CACNA1H: variants seen among roughly 807,000 people sequenced by gnomAD.
CACNA1H encodes calcium voltage-gated channel subunit alpha1 H, also known as voltage-dependent T-type calcium channel subunit alpha-1H.
CACNA1H carries 149 observed loss-of-function variants against 192.5 expected under a neutral mutation model. The ratio of observed to expected loss-of-function variants is 0.77; its 90% CI spans 0.68 to 0.89. The LOEUF is 0.89. CACNA1H is among the 40% of genes least tolerant of loss of function. The probability of loss-of-function intolerance (pLI) is 0.00; values close to 1 mark genes in which losing one functional copy is unlikely to be tolerated. For missense variants in CACNA1H, 4,257 were observed against 3,423.5 expected, an observed-to-expected ratio of 1.24 and a Z score of -6.08; for synonymous variants, 2,202 against 1,475.2, an observed-to-expected ratio of 1.49 and a Z score of -11.29.
At chr16:1,191,396 G>A (rs1430138168) in intron 2 of CACNA1H, among the ~76,000 whole-genome samples, 1 of 99,938 alleles carries the variant, frequency 1.0e-5, no homozygotes, top group African/African-American at 5.3e-5. Context: ...CACACTCGGG[G>A]TTTCGGTGAC....
In CACNA1H at chr16:1,153,972, G is replaced by A; in HGVS notation, c.235G>A (p.Val79Ile). The A allele has an allele frequency of 6.9e-7, 1 of 1,449,388 alleles. No individual in the cohort carries two copies. Among genetic ancestry groups the A allele is most frequent in the South Asian group, 1.3e-5 (1 of 76,170 alleles). The allele number at this position is 1,449,388 out of a possible 1,614,324, so 89.8% of individuals were successfully genotyped here. ...RVPYPALAAT[V>I]FFCLGQTTRP... ...CCCGTACCCGGCCTTGGCGGCCACG[G>A]TCTTCTTCTGCCTCGGTCAGACCAC... Residue 79 changes from valine (V) to isoleucine (I), a missense_variant, in exon 2 of 35, where the codon GTC (valine) becomes ATC (isoleucine). Transcript: ENST00000348261.
At chr16:1,214,053 T>C in intron 27 of CACNA1H, 122 bp downstream of exon 27, 2 of 818,748 alleles carry the variant, frequency 2.4e-6, no homozygotes, top group Middle Eastern at 6.3e-4. Context: ...TGCGTGGGGA[T>C]GTGGGGTTTT....
Position 1,167,888 on chromosome 16 carries a change from G to T in CACNA1H, c.299+13852G>T, listed in dbSNP as rs1436906476. Among the ~76,000 whole-genome samples, 1 of 152,200 alleles carries T rather than the reference G, an allele frequency of 6.6e-6. No individual in the cohort carries two copies. Among genetic ancestry groups the T allele is most frequent in the Non-Finnish European group, 1.5e-5 (1 of 68,026 alleles). On this transcript the variant is annotated intron_variant, in intron 2 of 34. Transcript: ENST00000348261. This position sits in a 1 kb window ranked among gnomAD's most constrained non-coding sequence, Gnocchi z 4.2. ...GCCCGGGCTGCCCATGGCAGCAGGT[G>T]CTCAGTAAGCACTCGCCCCACCAGT...
intron 5 of CACNA1H, among the ~76,000 whole-genome samples, chr16:1,197,264 C>G (rs548299836): frequency 6.6e-6 from 1 of 152,228 alleles, no homozygotes; most frequent in Non-Finnish European, 1.5e-5. Context: ...AACCATGACC[C>G]CAAGGGTGGC....
intron 2 of CACNA1H, among the ~76,000 whole-genome samples, chr16:1,166,277 G>A (rs1231956800): frequency 2.6e-5 from 4 of 152,186 alleles, no homozygotes; most frequent in East Asian, 3.9e-4. Context: ...ATTTGTCTGC[G>A]TGGGGAGCGG....
chr16:1,195,454 C>G lies in CACNA1H; in HGVS notation c.434C>G (p.Ala145Gly), dbSNP rs377301954. 11 of 1,562,186 alleles carry G rather than the reference C, an allele frequency of 7.0e-6. No individual in the cohort carries two copies. The South Asian group carries it at 1.3e-4, about 18-fold the overall frequency. Residue 145 changes from alanine (A) to glycine (G), a missense_variant, in exon 4 of 35, where the codon GCC becomes GGC. Physicochemically the swap from Ala to Gly is moderately conservative, Grantham distance 60. Transcript: ENST00000348261. ...ILEAFDAFIF[A>G]FFAVEMVIKM... Reference sequence around the variant, plus strand: ...CAGGCCTTTGACGCCTTCATTTTCGCCTTTTTTGCGGTGGAGATGGTCATC... The same window carrying G: ...CAGGCCTTTGACGCCTTCATTTTCGGCTTTTTTGCGGTGGAGATGGTCATC...
intron 26 of CACNA1H, among the ~76,000 whole-genome samples, chr16:1,213,460 G>T (rs1241207559): frequency 7.9e-5 from 12 of 152,106 alleles, no homozygotes; most frequent in Admixed American, 7.9e-4. Flanking sequence ...CCTGGGGGCT[G>T]CCTGGCGCAA....
chr16:1,212,398 C>T (rs1486658468), intron 25 of CACNA1H, 113 bp from the exon 26 acceptor site: 18 of 1,193,508 alleles, frequency 1.5e-5, no homozygotes, highest in Non-Finnish European at 2.0e-5. Flanking sequence ...AGTCCTCACT[C>T]CACGAGGAGC....
intron 22 of CACNA1H, 21 bp downstream of exon 22, chr16:1,211,315 C>A: frequency 1.2e-6 from 2 of 1,612,532 alleles, no homozygotes; most frequent in Non-Finnish European, 1.7e-6. Flanking sequence ...CCCACGTGCC[C>A]GGGGGTCTGC....
At chr16:1,204,666 A>G (rs1487756705) in intron 10 of CACNA1H, among the ~76,000 whole-genome samples, 1 of 151,854 alleles carries the variant, frequency 6.6e-6, no homozygotes, top group African/African-American at 2.4e-5. Context: ...CCTCCTCTCT[A>G]GACGGCAGCT....
At chr16:1,215,670 TC>T (rs1347474461) in intron 30 of CACNA1H, 77 bp downstream of exon 30, 51 of 1,138,192 alleles carry the variant, frequency 4.5e-5, no homozygotes, top group Non-Finnish European at 6.4e-5. Flanking sequence ...CGTCCCCCTC[TC>T]CCCCTCACTC....
At chr16:1,164,058 G>A (rs1342009055) in intron 2 of CACNA1H, among the ~76,000 whole-genome samples, 2 of 152,220 alleles carry the variant, frequency 1.3e-5, no homozygotes, top group African/African-American at 4.8e-5. Flanking sequence ...CTGCCTGGCC[G>A]CCGGCCGGGT....
Position 1,210,063 on chromosome 16 carries a change from T to G in CACNA1H, c.3773T>G (p.Leu1258Arg). The G allele has an allele frequency of 6.4e-7, 1 of 1,554,992 alleles. No homozygotes were observed. Among genetic ancestry groups the G allele is most frequent in the East Asian group, 2.4e-5 (1 of 41,196 alleles). Residue 1258 changes from leucine to arginine, a missense_variant, in exon 18 of 35, where the codon CTG becomes CGG. Physicochemically the swap from Leu to Arg is moderately radical, Grantham distance 102. Transcript: ENST00000348261. ...TGCTGCCTCCGCCTGCATAAAGTGC[T>G]GGAGCCCTACAAGCCCCAGTGGTGC... is the stretch of plus-strand genomic sequence containing the variant. ...DSCCLRLHKV[L>R]EPYKPQWCRS...
chr16:1,201,701 G>A lies in CACNA1H; in HGVS notation c.1251G>A (p.Val417=). Residue 417 remains valine, a synonymous_variant, in exon 9 of 35, where the codon GTG becomes GTA. Coordinates refer to ENST00000348261, the MANE Select transcript of CACNA1H (RefSeq NM_021098.3). ...TCATGATCAACCTGTGCCTGGTGGTGATTGCCACGCAGTTCTCGGAGACGA... is the reference window on the plus strand; with the variant it reads ...TCATGATCAACCTGTGCCTGGTGGTAATTGCCACGCAGTTCTCGGAGACGA... ...SFFMINLCLV[V]IATQFSETKQ... 1 of 1,608,016 alleles carries A rather than the reference G, an allele frequency of 6.2e-7. No homozygotes were observed. Among genetic ancestry groups the A allele is most frequent in the Non-Finnish European group, 8.5e-7 (1 of 1,176,740 alleles).
rs1371342942 is a variant in CACNA1H, at chr16:1,153,872, G to A, written c.135G>A (p.Glu45=). The A allele has an allele frequency of 3.6e-6, 5 of 1,403,726 alleles. No individual in the cohort carries two copies. The highest frequency in any genetic ancestry group is 2.9e-5 in the South Asian group (2 of 69,012). The allele number at this position is 1,403,726 out of a possible 1,614,324, so 87.0% of individuals were successfully genotyped here. ...APGREAERGS[E]LGVSPSESPA... is the part of the protein sequence containing the mutation. ...GACGCGAGGCGGAGCGGGGGTCCGA[G>A]CTCGGCGTGTCACCCTCCGAGAGCC... The change falls in exon 2 of 35, where the codon GAG becomes GAA. Residue 45 remains glutamate, a synonymous_variant. Transcript: ENST00000348261.
At chr16:1,219,907 G>A in intron 34 of CACNA1H, 74 bp from the exon 35 acceptor site, 1 of 1,157,088 alleles carries the variant, frequency 8.6e-7, no homozygotes, top group Non-Finnish European at 1.1e-6. Flanking sequence ...GGATGGTGAG[G>A]GGTCTCCGAG....
chr16:1,201,650 G>C lies in CACNA1H; in HGVS notation c.1213-13G>C, dbSNP rs747424487. The C allele has an allele frequency of 8.3e-6, 13 of 1,569,496 alleles. No individual in the cohort carries two copies. Among genetic ancestry groups the C allele is most frequent in the Non-Finnish European group, 2.6e-6 (3 of 1,156,206 alleles). On this transcript the variant is annotated splice_polypyrimidine_tract_variant and intron_variant, in intron 8 of 34. Coordinates refer to ENST00000348261, the MANE Select transcript of CACNA1H (RefSeq NM_021098.3). ...CTCACTCACTGCCACTTACCCGCCC[G>C]CCCCCGTCACAGGTGGGCTCCTTCT...
At chr16:1,191,027 C>T (rs1293932811) in intron 2 of CACNA1H, among the ~76,000 whole-genome samples, 2 of 144,600 alleles carry the variant, frequency 1.4e-5, no homozygotes, top group Admixed American at 6.8e-5. Context: ...CAGGCACACT[C>T]GGGGTCTCTG....
At chr16:1,209,572 C>G in intron 17 of CACNA1H, 160 bp downstream of exon 17, 1 of 853,252 alleles carries the variant, frequency 1.2e-6, no homozygotes, top group Non-Finnish European at 1.8e-6. Context: ...CAGCAGTGTT[C>G]AGGGATTCAG....
Sources: allele counts gnomAD v4.1 joint callset (sites outside exome capture counted in the v4.1 genomes callset), GRCh38; gene constraint gnomAD v4.1.1; non-coding constraint Gnocchi (gnomAD v3.1); transcripts MANE v1.5; gene names NCBI Gene and HGNC (gene_info 2026-07-23, HGNC 2026-07-21).